PALLD: variants seen among roughly 807,000 people sequenced by gnomAD.
The protein encoded by PALLD is palladin, cytoskeletal associated protein.
Under a neutral mutation model 123.5 loss-of-function variants are expected in PALLD, and 61 were observed. The ratio of observed to expected loss-of-function variants is 0.49; its 90% CI spans 0.40 to 0.61. PALLD has a LOEUF of 0.61. Ranked by LOEUF, PALLD falls within the 20% of genes least tolerant of loss-of-function variation. The pLI, the probability that PALLD is intolerant of heterozygous loss-of-function variation, is 0.00. For missense variants in PALLD, 1,273 were observed against 1,377.0 expected (o/e 0.92, Z 1.20); for synonymous variants, 465 against 496.4 (o/e 0.94, Z 0.84).
intron 3 of PALLD, among the ~76,000 whole-genome samples, chr4:168,676,220 C>T (rs1221451667): frequency 1.3e-5 from 2 of 151,954 alleles, no homozygotes; most frequent in African/African-American, 4.8e-5. Context: ...CAGACATCTA[C>T]CCATGTCATT....
chr4:168,666,694 G>A (rs985681029), intron 2 of PALLD, among the ~76,000 whole-genome samples: 1 of 152,174 alleles, frequency 6.6e-6, no homozygotes, highest in Non-Finnish European at 1.5e-5. Context: ...AGAGAATGAT[G>A]TATGTAGGGA....
intron 2 of PALLD, among the ~76,000 whole-genome samples, chr4:168,597,444 T>A (rs1336334660): frequency 1.3e-5 from 2 of 152,050 alleles, no homozygotes; most frequent in Non-Finnish European, 2.9e-5. Context: ...AAATTATAAA[T>A]TTTTAAAACA....
intron 10 of PALLD, among the ~76,000 whole-genome samples, chr4:168,821,811 T>G (rs1219505440): frequency 7.5e-6 from 1 of 132,752 alleles, no homozygotes; most frequent in Admixed American, 9.4e-5. Context: ...ACTCGAGAGG[T>G]GGAGGTTGCA....
chr4:168,580,462 G>A (rs1422780423), intron 2 of PALLD, among the ~76,000 whole-genome samples: 6 of 151,940 alleles, frequency 3.9e-5, no homozygotes, highest in Non-Finnish European at 1.5e-5. Flanking sequence ...TACTATAACA[G>A]ACAAAAAATA....
At chr4:168,524,477 A>G (rs1003836482) in intron 2 of PALLD, among the ~76,000 whole-genome samples, 2 of 152,238 alleles carry the variant, frequency 1.3e-5, no homozygotes, top group Non-Finnish European at 2.9e-5. Context: ...TTTTATGGGT[A>G]CATAGTAGGC....
intron 10 of PALLD, among the ~76,000 whole-genome samples, chr4:168,751,016 A>AT (rs748523240): frequency 0.093 from 13,248 of 142,052 alleles, 603 homozygotes; most frequent in South Asian, 0.14. Flanking sequence ...CTGCGTGTGT[A>AT]TTTTTTTTTT....
chr4:168,872,423 T>A (rs1751204387), intron 10 of PALLD, among the ~76,000 whole-genome samples: 1 of 152,228 alleles, frequency 6.6e-6, no homozygotes, highest in Non-Finnish European at 1.5e-5. Flanking sequence ...AGGTTCAGAA[T>A]GCATTAAAGG....
chr4:168,512,019 C>T lies in PALLD; in HGVS notation c.515C>T (p.Ala172Val). 1.2e-6 allele frequency: 2 copies of T among 1,614,218 alleles called. No homozygotes were observed. Among genetic ancestry groups the T allele is most frequent in the Non-Finnish European group, 1.7e-6 (2 of 1,180,044 alleles). The change falls in exon 2 of 22, where the codon GCA (alanine) becomes GTA (valine). Residue 172 changes from alanine (A) to valine (V), a missense_variant. Ala to Val is a moderately conservative substitution (Grantham distance 64). This residue lies in a region of PALLD where 944 missense variants were observed against 954.5 expected (regional missense o/e 0.99). Transcript: ENST00000505667. ...CCCCAGAGCCAGCTGTGTGACAAGGCAGCTAATTTAATTGAGGAGCTAACA... is the reference window on the plus strand; with the variant it reads ...CCCCAGAGCCAGCTGTGTGACAAGGTAGCTAATTTAATTGAGGAGCTAACA... ...GGPQSQLCDK[A>V]ANLIEELTSI...
At chr4:168,539,356 G>C (rs895256528) in intron 2 of PALLD, among the ~76,000 whole-genome samples, 22 of 152,162 alleles carry the variant, frequency 1.4e-4, no homozygotes, top group Non-Finnish European at 1.3e-4. Context: ...TTGGGACGCC[G>C]AGGCAGGGGA....
At chr4:168,520,175 A>C (rs992972495) in intron 2 of PALLD, among the ~76,000 whole-genome samples, 1 of 151,852 alleles carries the variant, frequency 6.6e-6, no homozygotes, top group African/African-American at 2.4e-5. Context: ...AAATACAAAA[A>C]ATTAGCCGGG....
At chr4:168,712,804 G>A (rs1158706492) in intron 10 of PALLD, among the ~76,000 whole-genome samples, 2 of 152,094 alleles carry the variant, frequency 1.3e-5, no homozygotes, top group Non-Finnish European at 2.9e-5. Flanking sequence ...CATATCTGAT[G>A]TTTTTGATTT....
intron 5 of PALLD, among the ~76,000 whole-genome samples, chr4:168,684,819 A>T (rs573194639): frequency 4.7e-4 from 71 of 152,310 alleles, no homozygotes; most frequent in African/African-American, 1.6e-3. Context: ...CCAGATCACC[A>T]TCATCTTGGG....
intron 2 of PALLD, among the ~76,000 whole-genome samples, chr4:168,605,269 G>A (rs1223254704): frequency 6.6e-6 from 1 of 151,206 alleles, no homozygotes; most frequent in African/African-American, 2.4e-5. Context: ...AAAAAATACC[G>A]ATGCCTAGAC....
intron 15 of PALLD, among the ~76,000 whole-genome samples, chr4:168,908,929 A>G (rs1287392752): frequency 1.3e-5 from 2 of 152,230 alleles, no homozygotes; most frequent in Non-Finnish European, 2.9e-5. Context: ...TGGGAATAAG[A>G]AAAACATTAG....
rs181818270 is a variant in PALLD, at chr4:168,743,217, A to G, written c.1964+31294A>G. Reference sequence around the variant, plus strand: ...GTGTTTGGCACATAATCTACACTCAATAAATATTTCTTTGTTTAATGGGTG... The same window carrying G: ...GTGTTTGGCACATAATCTACACTCAGTAAATATTTCTTTGTTTAATGGGTG... On this transcript the variant is annotated intron_variant, in intron 10 of 21. Coordinates refer to ENST00000505667, the MANE Select transcript of PALLD (RefSeq NM_001166108.2). 2.7e-3 allele frequency among the ~76,000 whole-genome samples: 417 copies of G among 152,260 alleles called. 1 individual carries two copies. Among genetic ancestry groups the G allele is most frequent in the African/African-American group, 9.5e-3 (393 of 41,560 alleles).
chr4:168,628,495 G>A (rs3109799), intron 2 of PALLD, among the ~76,000 whole-genome samples: 48,864 of 151,918 alleles, frequency 0.32, 10,326 homozygotes, highest in African/African-American at 0.6. Flanking sequence ...CCCCTTTGCT[G>A]TTCCTCAAAC....
chr4:168,842,164 C>T (rs904907), intron 10 of PALLD, among the ~76,000 whole-genome samples: 1,802 of 152,232 alleles, frequency 0.012, 37 homozygotes, highest in African/African-American at 0.041. Context: ...TTTCATTCAC[C>T]GTGCTTTTAG....
chr4:168,688,644 A>T lies in PALLD; in HGVS notation c.1336-1959A>T, dbSNP rs147630696. On this transcript the variant is annotated intron_variant, in intron 6 of 21. Coordinates refer to ENST00000505667, the MANE Select transcript of PALLD (RefSeq NM_001166108.2). ...GTTCTCCTAATGGCTTACTATGTTT[A>T]GCCATGGCTTTTGCCAAGATAAAAA... Among the ~76,000 whole-genome samples the T allele has an allele frequency of 3.4e-3, 511 of 152,352 alleles. 2 individuals carry two copies. The highest frequency in any genetic ancestry group is 0.017 in the Middle Eastern group (5 of 294).
At chr4:168,758,784 T>C (rs1732261583) in intron 10 of PALLD, among the ~76,000 whole-genome samples, 2 of 152,044 alleles carry the variant, frequency 1.3e-5, no homozygotes, top group Admixed American at 1.3e-4. Context: ...CACTTGTGCA[T>C]AGTTGAAATC....
Sources: allele counts gnomAD v4.1 joint callset (sites outside exome capture counted in the v4.1 genomes callset), GRCh38; gene constraint gnomAD v4.1.1; regional missense constraint gnomAD v4.1.1; transcripts MANE v1.5; gene names NCBI Gene and HGNC (gene_info 2026-07-23, HGNC 2026-07-21).